EPHA3: variants seen among roughly 807,000 people sequenced by gnomAD.
EPHA3 encodes the protein EPH receptor A3.
A neutral mutation model predicts 107.1 loss-of-function variants in EPHA3; 42 were observed. The observed-to-expected ratio is 0.39, with a 90% CI of 0.31 to 0.51. The LOEUF is 0.51. Among genes scored for constraint, EPHA3 ranks in the 20% least tolerant of loss-of-function variants. The probability of loss-of-function intolerance (pLI) is 0.78; values close to 1 mark genes in which losing one functional copy is unlikely to be tolerated. For missense variants in EPHA3, 1,183 were observed against 1,211.2 expected (o/e 0.98, Z 0.35); for synonymous variants, 461 against 424.8 (o/e 1.09, Z -1.05).
chr3:89,392,265 C>T (rs999307263), intron 5 of EPHA3, among the ~76,000 whole-genome samples: 5 of 152,032 alleles, frequency 3.3e-5, no homozygotes, highest in Non-Finnish European at 1.5e-5. Flanking sequence ...CATGCGAAAC[C>T]CTGTCTCTAC....
At chr3:89,207,646 ATTG>A (rs926125975) in intron 2 of EPHA3, among the ~76,000 whole-genome samples, 2 of 152,146 alleles carry the variant, frequency 1.3e-5, no homozygotes, top group Admixed American at 1.3e-4. Context: ...TTTAATGTCT[ATTG>A]TTCTTGATGA....
At chr3:89,227,964 A>C (rs952665390) in intron 3 of EPHA3, among the ~76,000 whole-genome samples, 22 of 152,090 alleles carry the variant, frequency 1.4e-4, no homozygotes, top group Admixed American at 7.2e-4. Context: ...TTAGGGCTCT[A>C]TGTACAGAGA....
At chr3:89,409,269 G>C (rs1193174717) in intron 9 of EPHA3, among the ~76,000 whole-genome samples, 1 of 152,018 alleles carries the variant, frequency 6.6e-6, no homozygotes. Context: ...TAAAAAGAAT[G>C]CCTGAACAAG....
intron 3 of EPHA3, among the ~76,000 whole-genome samples, chr3:89,300,300 C>G (rs1207659545): frequency 2.0e-5 from 3 of 151,954 alleles, no homozygotes; most frequent in African/African-American, 7.2e-5. Context: ...ATAAACTACT[C>G]TTACAGCCTA....
At chr3:89,241,221 A>G (rs139411455) in intron 3 of EPHA3, among the ~76,000 whole-genome samples, 123 of 152,262 alleles carry the variant, frequency 8.1e-4, no homozygotes, top group Non-Finnish European at 1.2e-3. Context: ...TAAGAAAAAG[A>G]TGATTAGCTA....
At chr3:89,254,035 A>G (rs1170057954) in intron 3 of EPHA3, among the ~76,000 whole-genome samples, 1 of 152,128 alleles carries the variant, frequency 6.6e-6, no homozygotes, top group African/African-American at 2.4e-5. Flanking sequence ...TTGTCCAACA[A>G]TGTCTACAAT....
intron 3 of EPHA3, among the ~76,000 whole-genome samples, chr3:89,234,362 C>A (rs1197628237): frequency 1.3e-5 from 2 of 152,130 alleles, no homozygotes; most frequent in Non-Finnish European, 2.9e-5. Flanking sequence ...TCAATAAAAT[C>A]TCATAAAGCT....
In EPHA3 at chr3:89,450,221, G is replaced by C. The variant is rs1709958844; in HGVS notation, c.2541G>C (p.Met847Ile). 6.2e-7 allele frequency: 1 copy of C among 1,612,990 alleles called. No individual in the cohort carries two copies. Among genetic ancestry groups the C allele is most frequent in the African/African-American group, 1.3e-5 (1 of 74,886 alleles). Residue 847 changes from methionine to isoleucine, a missense_variant, in exon 15 of 17, where the codon ATG becomes ATC. Transcript: ENST00000336596. ...VDEGYRLPPP[M>I]DCPAALYQLM... Reference sequence around the variant, plus strand: ...AGGGCTATCGACTGCCACCCCCCATGGACTGCCCAGCTGCCTTGTATCAGC... The same window carrying C: ...AGGGCTATCGACTGCCACCCCCCATCGACTGCCCAGCTGCCTTGTATCAGC...
Position 89,479,700 on chromosome 3 carries a change from G to C in EPHA3, c.*198G>C, listed in dbSNP as rs974094210. On this transcript the variant is annotated 3_prime_UTR_variant, in exon 17 of 17. Transcript: ENST00000336596. Reference sequence around the variant, plus strand: ...TATCATTTATTGGATGGGTGGGTGGGGTATTTTTTTGTAATTGCTTTTTTA... The same window carrying C: ...TATCATTTATTGGATGGGTGGGTGGCGTATTTTTTTGTAATTGCTTTTTTA... 2.1e-6 allele frequency: 1 copy of C among 481,292 alleles called. No individual in the cohort carries two copies. Among genetic ancestry groups the C allele is most frequent in the African/African-American group, 2.0e-5 (1 of 51,130 alleles). The allele number at this position is 481,292 out of a possible 1,614,324, so 29.8% of individuals were successfully genotyped here.
chr3:89,348,402 T>A (rs1164209048), intron 5 of EPHA3, among the ~76,000 whole-genome samples: 108 of 116,206 alleles, frequency 9.3e-4, no homozygotes, highest in Non-Finnish European at 1.7e-3. Context: ...TTTATTTGCG[T>A]AGAGGTGTTT....
chr3:89,314,671 A>C (rs769231098), intron 3 of EPHA3, among the ~76,000 whole-genome samples: 8 of 151,950 alleles, frequency 5.3e-5, no homozygotes, highest in Non-Finnish European at 8.8e-5. Flanking sequence ...GCAGCCTACA[A>C]AATCTAAACA....
At chr3:89,126,288 T>TA (rs1381549891) in intron 1 of EPHA3, among the ~76,000 whole-genome samples, 3 of 151,772 alleles carry the variant, frequency 2.0e-5, no homozygotes, top group Admixed American at 1.3e-4. Context: ...AAAGATGAGG[T>TA]AAAACCATAG....
intron 3 of EPHA3, among the ~76,000 whole-genome samples, chr3:89,266,807 C>T (rs1705548772): frequency 2.0e-5 from 3 of 151,886 alleles, no homozygotes; most frequent in Admixed American, 2.0e-4. Flanking sequence ...AATGAGTAGA[C>T]ACACAAATTA....
chr3:89,243,903 T>C (rs1210528034), intron 3 of EPHA3, among the ~76,000 whole-genome samples: 2 of 152,176 alleles, frequency 1.3e-5, no homozygotes, highest in Admixed American at 6.5e-5. Context: ...CTTGTTCTTT[T>C]ACACCATCCT....
At chr3:89,352,799 A>G (rs1369472714) in intron 5 of EPHA3, among the ~76,000 whole-genome samples, 1 of 147,026 alleles carries the variant, frequency 6.8e-6, no homozygotes, top group African/African-American at 2.5e-5. Context: ...GCTACACGGG[A>G]GGCTGAGGCA....
intron 3 of EPHA3, among the ~76,000 whole-genome samples, chr3:89,335,996 C>A (rs754836283): frequency 6.6e-6 from 1 of 152,156 alleles, no homozygotes; most frequent in Non-Finnish European, 1.5e-5. Context: ...TACAGACAAC[C>A]TTGACTGTAT....
chr3:89,424,623 T>C (rs936713197), intron 11 of EPHA3, among the ~76,000 whole-genome samples: 1 of 151,388 alleles, frequency 6.6e-6, no homozygotes. Flanking sequence ...TGAAATCCTG[T>C]TTTTTGTTAA....
intron 13 of EPHA3, among the ~76,000 whole-genome samples, chr3:89,431,756 G>A (rs1421240140): frequency 3.3e-5 from 5 of 152,016 alleles, no homozygotes; most frequent in Admixed American, 2.6e-4. Context: ...TTTTTAATAA[G>A]TAATACCTAT....
intron 3 of EPHA3, among the ~76,000 whole-genome samples, chr3:89,217,631 A>G (rs150061347): frequency 6.6e-5 from 10 of 152,320 alleles, no homozygotes; most frequent in African/African-American, 2.4e-4. Flanking sequence ...TTTTTGTATT[A>G]TTAAAAATAA....
Sources: gnomAD v4.1 joint callset for allele counts (sites outside exome capture counted in the v4.1 genomes callset) on GRCh38, gnomAD v4.1.1 for gene constraint, MANE v1.5 for transcripts, NCBI Gene and HGNC (gene_info 2026-07-23, HGNC 2026-07-21) for gene names.